The following PDE11A variants were observed in gnomAD, a reference collection of about 807,000 sequenced individuals.
PDE11A encodes the protein dual 3',5'-cyclic-AMP and -GMP phosphodiesterase 11A.
PDE11A carries 100 observed loss-of-function variants against 100.5 expected under a neutral mutation model. That is an observed-to-expected ratio of 1.00 (90% CI 0.85 to 1.18). The LOEUF is 1.18. PDE11A is among the 50% of genes most tolerant of loss of function. The pLI is 0.00. For missense variants in PDE11A, 1,141 were observed against 1,152.6 expected, an observed-to-expected ratio of 0.99 and a Z score of 0.15; for synonymous variants, 381 against 420.8, an observed-to-expected ratio of 0.91 and a Z score of 1.16.
At chr2:177,903,628 T>A (rs781059609) in intron 3 of PDE11A, among the ~76,000 whole-genome samples, 15 of 152,216 alleles carry the variant, frequency 9.9e-5, no homozygotes, top group Non-Finnish European at 1.9e-4. Flanking sequence ...CCTCCTCAAA[T>A]ATCATAATAC....
intron 19 of PDE11A, 65 bp from the exon 20 acceptor site, chr2:177,629,627 C>T: frequency 6.5e-7 from 1 of 1,527,086 alleles, no homozygotes; most frequent in Non-Finnish European, 9.1e-7. Context: ...ACATGATTTT[C>T]CACCTTTCAC....
intron 2 of PDE11A, chr2:177,998,878 G>C: frequency 3.6e-6 from 2 of 557,370 alleles, no homozygotes; most frequent in Non-Finnish European, 6.6e-6. Flanking sequence ...CACCCAACTG[G>C]ATGGCTCTTT....
At chr2:177,866,175 C>T (rs543350865) in intron 5 of PDE11A, among the ~76,000 whole-genome samples, 2 of 152,322 alleles carry the variant, frequency 1.3e-5, no homozygotes, top group African/African-American at 4.8e-5. Context: ...GCCCTATTCA[C>T]ATCTCCCTTT....
intron 1 of PDE11A, among the ~76,000 whole-genome samples, chr2:178,036,721 A>G (rs867253610): frequency 6.6e-6 from 1 of 152,274 alleles, no homozygotes. Flanking sequence ...AACACCACAC[A>G]TCTACAATCA....
intron 6 of PDE11A, among the ~76,000 whole-genome samples, chr2:177,821,793 A>C (rs2083145368): frequency 6.6e-6 from 1 of 151,584 alleles, no homozygotes; most frequent in South Asian, 2.1e-4. Flanking sequence ...TTCATTCTCA[A>C]AAGTGTCTAA....
intron 1 of PDE11A, among the ~76,000 whole-genome samples, chr2:178,067,812 G>A (rs1209193813): frequency 6.6e-6 from 1 of 152,144 alleles, no homozygotes; most frequent in Non-Finnish European, 1.5e-5. Context: ...GGGATAATGG[G>A]CTCTTTCTGT....
chr2:177,925,647 T>A (rs1014933301), intron 2 of PDE11A, among the ~76,000 whole-genome samples: 7 of 152,132 alleles, frequency 4.6e-5, no homozygotes, highest in African/African-American at 1.7e-4. Flanking sequence ...GCACAATCAC[T>A]TACCAAAGGA....
chr2:177,861,988 T>C (rs2105670967), intron 5 of PDE11A, among the ~76,000 whole-genome samples: 1 of 151,994 alleles, frequency 6.6e-6, no homozygotes, highest in East Asian at 1.9e-4. Flanking sequence ...TGGGCATATG[T>C]ATTCATGCGC....
chr2:177,680,729 T>C (rs1390689119), intron 16 of PDE11A, 97 bp downstream of exon 16: 1 of 675,250 alleles, frequency 1.5e-6, no homozygotes. Flanking sequence ...ATTTGTTACT[T>C]TAAAAATCAC....
chr2:178,098,798 T>C (rs1333796919), intron 2 of PDE11A, among the ~76,000 whole-genome samples: 3 of 152,238 alleles, frequency 2.0e-5, no homozygotes, highest in Non-Finnish European at 2.9e-5. Flanking sequence ...AAGTTATTAA[T>C]ACATTTATGA....
At chr2:177,869,595 C>A (rs2084093433) in intron 5 of PDE11A, among the ~76,000 whole-genome samples, 1 of 152,124 alleles carries the variant, frequency 6.6e-6, no homozygotes, top group Non-Finnish European at 1.5e-5. Flanking sequence ...GAATAATCTC[C>A]CTATTTTAAC....
rs573379676 is a variant in PDE11A, at chr2:177,867,205, A to G, written c.1367+8654T>C. Among the ~76,000 whole-genome samples the G allele has an allele frequency of 3.9e-5, 6 of 152,354 alleles. No individual in the cohort carries two copies. In the East Asian group the frequency reaches 9.6e-4, roughly 24 times the overall value. ...GACACACAATAAAGTTGGCACAGTC[A>G]GAATTTACATAAAGACATTTAGTAA... On this transcript the variant is annotated intron_variant, in intron 5 of 19. Coordinates refer to ENST00000286063, the MANE Select transcript of PDE11A (RefSeq NM_016953.4).
intron 19 of PDE11A, among the ~76,000 whole-genome samples, chr2:177,646,084 G>A (rs2080219923): frequency 6.6e-6 from 1 of 152,146 alleles, no homozygotes; most frequent in Admixed American, 6.5e-5. Context: ...TAATGAGGCA[G>A]GAATGTTAGT....
At chr2:177,765,629 T>C (rs1330756443) in intron 10 of PDE11A, among the ~76,000 whole-genome samples, 1 of 152,198 alleles carries the variant, frequency 6.6e-6, no homozygotes, top group East Asian at 1.9e-4. Context: ...TGACCCATTC[T>C]ATCGGGAGCA....
At chr2:177,715,063 G>T (rs961904985) in intron 12 of PDE11A, among the ~76,000 whole-genome samples, 1 of 152,218 alleles carries the variant, frequency 6.6e-6, no homozygotes, top group Non-Finnish European at 1.5e-5. Flanking sequence ...GAGCACATCT[G>T]CAGGGGCTTC....
chr2:177,669,419 A>G (rs1188166397), intron 18 of PDE11A, 74 bp downstream of exon 18: 4 of 780,154 alleles, frequency 5.1e-6, no homozygotes, highest in Non-Finnish European at 9.4e-6. Context: ...CCCATTTCCA[A>G]CTTGTAATTT....
chr2:177,814,065 T>C (rs74460168), intron 9 of PDE11A, among the ~76,000 whole-genome samples: 17,202 of 152,114 alleles, frequency 0.11, 1,125 homozygotes, highest in African/African-American at 0.19. Flanking sequence ...ATAGGAATGA[T>C]AGAAGGGTAA....
chr2:177,661,330 T>C (rs1029839821), intron 19 of PDE11A, among the ~76,000 whole-genome samples: 1 of 152,214 alleles, frequency 6.6e-6, no homozygotes, highest in Admixed American at 6.5e-5. Flanking sequence ...GATTGCATTT[T>C]TATGTTCAAA....
chr2:177,798,190 C>T (rs1339184161), intron 9 of PDE11A, among the ~76,000 whole-genome samples: 1 of 152,212 alleles, frequency 6.6e-6, no homozygotes, highest in Non-Finnish European at 1.5e-5. Context: ...CTACCTGTCA[C>T]TCTGAAATTG....
Sources: allele counts gnomAD v4.1 joint callset (sites outside exome capture counted in the v4.1 genomes callset), GRCh38; gene constraint gnomAD v4.1.1; transcripts MANE v1.5; gene names NCBI Gene and HGNC (gene_info 2026-07-23, HGNC 2026-07-21).